UBE3B: variants seen among roughly 807,000 people sequenced by gnomAD.
UBE3B encodes the protein ubiquitin-protein ligase E3B.
UBE3B carries 80 observed loss-of-function variants against 132.3 expected under a neutral mutation model. The observed-to-expected ratio is 0.60, with a 90% CI of 0.50 to 0.73. UBE3B has a LOEUF of 0.73. Ranked by LOEUF, UBE3B falls within the 30% of genes least tolerant of loss-of-function variation. The pLI is 0.00. For missense variants in UBE3B, 1,196 were observed against 1,362.5 expected (o/e 0.88, Z 1.92); for synonymous variants, 487 against 520.4 (o/e 0.94, Z 0.87).
chr12:109,527,141 A>G (rs930108389), intron 24 of UBE3B, among the ~76,000 whole-genome samples: 2 of 152,222 alleles, frequency 1.3e-5, no homozygotes, highest in African/African-American at 4.8e-5. Flanking sequence ...AGACACCGTG[A>G]TGAATTCAAA....
chr12:109,486,963 T>A (rs537699095), intron 6 of UBE3B, among the ~76,000 whole-genome samples: 1 of 152,320 alleles, frequency 6.6e-6, no homozygotes, highest in South Asian at 2.1e-4. Flanking sequence ...CTCTAGAATA[T>A]ATTCAGTAAC....
At position 109,530,000 on chromosome 12, in the gene UBE3B, G is replaced by T. The variant is rs757722460; in HGVS notation, c.2738G>T (p.Arg913Leu). 1.2e-6 allele frequency: 2 copies of T among 1,613,950 alleles called. No individual in the cohort carries two copies. Among genetic ancestry groups the T allele is most frequent in the Non-Finnish European group, 1.7e-6 (2 of 1,179,982 alleles). Residue 913 changes from arginine to leucine, a missense_variant, in exon 25 of 28, where the codon CGA becomes CTA. Physicochemically the swap from Arg to Leu is moderately radical, Grantham distance 102. Transcript: ENST00000342494. ...FRSIIKPEWI[R>L]MFSTPELQRL... The stretch of plus-strand genomic sequence containing the variant: ...TCCATTATCAAACCCGAGTGGATCC[G>T]AATGTTCTCAACTCCTGAACTGCAG...
In UBE3B at chr12:109,510,435, C is replaced by A. The variant is rs370590020; in HGVS notation, c.1833C>A (p.Thr611=). 26 of 1,612,144 alleles carry A rather than the reference C, an allele frequency of 1.6e-5. No homozygotes were observed. Among genetic ancestry groups the A allele is most frequent in the Non-Finnish European group, 2.0e-5 (24 of 1,179,418 alleles). ...AGCGGGACTGCCGGCGGCGCTTCAC[C>A]CCCGAGGACCACTGGCTGCGAAAGT... The part of the protein sequence containing the change: ...LYERDCRRRF[T]PEDHWLRKDL... Residue 611 remains threonine (T), a synonymous_variant, in exon 17 of 28, where the codon ACC becomes ACA. Coordinates refer to ENST00000342494, the MANE Select transcript of UBE3B (RefSeq NM_130466.4).
At chr12:109,540,952 G>A (rs1000665747), downstream of UBE3B, among the ~76,000 whole-genome samples, 2 of 152,206 alleles carry the variant, frequency 1.3e-5, no homozygotes. Context: ...GTGGGCGGGA[G>A]CTGAGGTGGT....
Position 109,534,686 on chromosome 12 carries a change from C to T in UBE3B, c.3111C>T (p.Phe1037=). 2 of 1,610,150 alleles carry T rather than the reference C, an allele frequency of 1.2e-6. No individual in the cohort carries two copies. The highest frequency in any genetic ancestry group is 1.1e-5 in the South Asian group (1 of 90,572). Reference sequence around the variant, plus strand: ...GCCTGCCCACCTCCTCCACCTGCTTCAACCTGCTCAAGCTGCCCAACTACA... The same window carrying T: ...GCCTGCCCACCTCCTCCACCTGCTTTAACCTGCTCAAGCTGCCCAACTACA... ...GGRLPTSSTC[F]NLLKLPNYSK... Residue 1037 remains phenylalanine (F), a synonymous_variant, in exon 28 of 28, where the codon TTC becomes TTT. Transcript: ENST00000342494. This position sits in a 1 kb window ranked among gnomAD's most constrained non-coding sequence, Gnocchi z 5.2.
chr12:109,481,059 C>T (rs1015641380), intron 1 of UBE3B, among the ~76,000 whole-genome samples: 15 of 150,464 alleles, frequency 1.0e-4, no homozygotes, highest in Admixed American at 8.6e-4. Flanking sequence ...GAGCCAATAT[C>T]GCGCCACTGC....
At chr12:109,524,574 G>A (rs1374691285) in intron 23 of UBE3B, 71 bp downstream of exon 23, 2 of 1,542,360 alleles carry the variant, frequency 1.3e-6, no homozygotes, top group Non-Finnish European at 1.8e-6. Flanking sequence ...CGTGTTATTT[G>A]TTTTCCTCAG....
chr12:109,524,154 G>A (rs1163770863), intron 22 of UBE3B, 39 bp downstream of exon 22: 2 of 1,611,690 alleles, frequency 1.2e-6, no homozygotes, highest in Non-Finnish European at 1.7e-6. Flanking sequence ...CCGAGCACTG[G>A]TGTGAACTCA....
Position 109,503,082 on chromosome 12 carries a change from G to A in UBE3B, c.1342G>A (p.Gly448Arg). ...ASVRNILRPVGGKRVDSAEVQ... is the reference protein window; with the variant it reads ...ASVRNILRPVRGKRVDSAEVQ... The stretch of plus-strand genomic sequence containing the variant: ...AGTCCGGAATATTCTCAGGCCTGTC[G>A]GGGGTAAACGGGTCGACTCTGCAGA... The change falls in exon 14 of 28, where the codon GGG (glycine) becomes AGG (arginine). Residue 448 changes from glycine to arginine, a missense_variant. By Grantham distance (125) the Gly-to-Arg change is moderately radical. Coordinates refer to ENST00000342494, the MANE Select transcript of UBE3B (RefSeq NM_130466.4). The A allele has an allele frequency of 6.2e-7, 1 of 1,614,152 alleles. No homozygotes were observed. The highest frequency in any genetic ancestry group is 8.5e-7 in the Non-Finnish European group (1 of 1,180,024).
intron 19 of UBE3B, among the ~76,000 whole-genome samples, chr12:109,519,348 C>A (rs1881433219): frequency 6.6e-6 from 1 of 152,204 alleles, no homozygotes; most frequent in Admixed American, 6.5e-5. Flanking sequence ...ATAATCCTCG[C>A]ATATCCACGC....
chr12:109,497,386 A>G (rs1421066775), intron 9 of UBE3B, among the ~76,000 whole-genome samples: 1 of 152,142 alleles, frequency 6.6e-6, no homozygotes, highest in Admixed American at 6.5e-5. Flanking sequence ...AAACTGCTTA[A>G]CTGAATTATG....
intron 24 of UBE3B, 42 bp downstream of exon 24, chr12:109,526,458 G>T (rs774470180): frequency 1.3e-6 from 2 of 1,584,442 alleles, no homozygotes; most frequent in Non-Finnish European, 8.7e-7. Context: ...CACTTGAAAA[G>T]ACTTCATTCT....
In UBE3B at chr12:109,483,887, C is replaced by T; in HGVS notation, c.188C>T (p.Ala63Val). 1 of 1,613,034 alleles carries T rather than the reference C, an allele frequency of 6.2e-7. No individual in the cohort carries two copies. The highest frequency in any genetic ancestry group is 8.5e-7 in the Non-Finnish European group (1 of 1,179,584). Residue 63 changes from alanine (A) to valine (V), a missense_variant, in exon 4 of 28, where the codon GCA becomes GTA. Physicochemically the swap from Ala to Val is moderately conservative, Grantham distance 64 (BLOSUM62 0). Transcript: ENST00000342494. ...AGAGAGATTGATGACTTTTTTAAAG[C>T]AGATGACCCTGAGTCCACTAAAAGA... ...IRREIDDFFK[A>V]DDPESTKRSA... is the part of the protein sequence containing the mutation.
intron 14 of UBE3B, among the ~76,000 whole-genome samples, chr12:109,504,931 G>A (rs568230513): frequency 3.2e-4 from 48 of 151,852 alleles, no homozygotes; most frequent in Non-Finnish European, 5.6e-4. Context: ...TCAGCCTCCC[G>A]AGTAGCTGGG....
At chr12:109,510,788 G>T (rs1174664885) in intron 17 of UBE3B, among the ~76,000 whole-genome samples, 1 of 152,194 alleles carries the variant, frequency 6.6e-6, no homozygotes, top group Non-Finnish European at 1.5e-5. Context: ...TTTATTAGCA[G>T]AATTACTAGA....
At chr12:109,502,912 G>T (rs997675494) in intron 13 of UBE3B, 111 bp from the exon 14 acceptor site, 4 of 1,360,242 alleles carry the variant, frequency 2.9e-6, no homozygotes, top group Non-Finnish European at 4.1e-6. Context: ...TTGCCCCACT[G>T]TCTGGCCTGG....
intron 19 of UBE3B, among the ~76,000 whole-genome samples, chr12:109,518,894 G>C (rs770345728): frequency 6.6e-6 from 1 of 152,178 alleles, no homozygotes; most frequent in Admixed American, 6.5e-5. Flanking sequence ...TGGTGGCTTG[G>C]TTATTAGAAT....
chr12:109,542,515 C>A, the UBE3B span, among the ~76,000 whole-genome samples: 6 of 152,136 alleles, frequency 3.9e-5, no homozygotes, highest in Non-Finnish European at 7.3e-5. Context: ...GCATCCTAAC[C>A]CCCACTACCT....
At chr12:109,528,815 C>T (rs1239943351) in intron 24 of UBE3B, among the ~76,000 whole-genome samples, 1 of 150,512 alleles carries the variant, frequency 6.6e-6, no homozygotes, top group Non-Finnish European at 1.5e-5. Context: ...CGCCATTGCA[C>T]TCCAGCATGG....
Sources: gnomAD v4.1 joint callset for allele counts (sites outside exome capture counted in the v4.1 genomes callset) on GRCh38, gnomAD v4.1.1 for gene constraint, Gnocchi (gnomAD v3.1) non-coding constraint, MANE v1.5 for transcripts, NCBI Gene and HGNC (gene_info 2026-07-23, HGNC 2026-07-21) for gene names.